Variants in ZBTB4 observed in about 807,000 individuals in gnomAD.
ZBTB4 encodes zinc finger and BTB domain-containing protein 4.
Under a neutral mutation model 59.8 loss-of-function variants are expected in ZBTB4, and 14 were observed. That is an observed-to-expected ratio of 0.23 (90% CI 0.15 to 0.37). ZBTB4 has a LOEUF of 0.37. Among genes scored for constraint, ZBTB4 ranks in the 10% least tolerant of loss-of-function variants. ZBTB4 has a pLI of 1.00. For synonymous variants in ZBTB4, 587 were observed against 575.2 expected (o/e 1.02, Z -0.29); for missense variants, 1,198 against 1,380.8 (o/e 0.87, Z 2.10).
In ZBTB4 at chr17:7,462,879, C is replaced by T; in HGVS notation, c.2103G>A (p.Lys701=). 1 of 1,607,212 alleles carries T rather than the reference C, an allele frequency of 6.2e-7. No individual in the cohort carries two copies. Residue 701 remains lysine (K), a synonymous_variant, in exon 4 of 4, where the codon AAG becomes AAA. Transcript: ENST00000380599. This position sits in a 1 kb window ranked among gnomAD's most constrained non-coding sequence, Gnocchi z 7.5. ...RGRRPPRWRQ[K]LERRSWEETP... is the part of the protein sequence containing the mutation. ...TTTCCTCCCAGCTCCTCCGTTCCAGCTTCTGCCTCCAACGTGGTGGCCGGC... is the reference window on the plus strand; with the variant it reads ...TTTCCTCCCAGCTCCTCCGTTCCAGTTTCTGCCTCCAACGTGGTGGCCGGC...
Position 7,462,752 on chromosome 17 carries a change from G to A in ZBTB4, c.2230C>T (p.His744Tyr). ...GAGCCCCCACCGTGGGCCTCTTGGTGCTTCCGCAGCTTTCTCAGGGTGGTG... is the reference window on the plus strand; with the variant it reads ...GAGCCCCCACCGTGGGCCTCTTGGTACTTCCGCAGCTTTCTCAGGGTGGTG... ...TFTTLRKLRK[H>Y]QEAHGGGSHS... The change falls in exon 4 of 4, where the codon CAC (histidine) becomes TAC (tyrosine). Residue 744 changes from histidine to tyrosine, a missense_variant. Transcript: ENST00000380599. This position sits in a 1 kb window ranked among gnomAD's most constrained non-coding sequence, Gnocchi z 7.5. The A allele has an allele frequency of 1.2e-6, 2 of 1,603,018 alleles. No homozygotes were observed. The highest frequency in any genetic ancestry group is 1.7e-6 in the Non-Finnish European group (2 of 1,179,826).
chr17:7,462,915 C>A lies in ZBTB4; in HGVS notation c.2067G>T (p.Leu689=). 1 of 1,609,144 alleles carries A rather than the reference C, an allele frequency of 6.2e-7. No homozygotes were observed. ...AGGASVGGSG[L]PRGRRPPRWR... The stretch of plus-strand genomic sequence containing the variant: ...AACGTGGTGGCCGGCGGCCTCGGGG[C>A]AGCCCACTGCCCCCCACACTGGCAC... Residue 689 remains leucine (L), a synonymous_variant, in exon 4 of 4, where the codon CTG becomes CTT. Transcript: ENST00000380599. The surrounding 1 kb of genome is among the most constrained non-coding windows in gnomAD (Gnocchi z 7.5).
At chr17:7,477,018 C>T (rs998730240) in intron 1 of ZBTB4, among the ~76,000 whole-genome samples, 4 of 152,214 alleles carry the variant, frequency 2.6e-5, no homozygotes, top group African/African-American at 9.6e-5. Context: ...TTCTCTGGAC[C>T]TCAGCTGCCT....
In ZBTB4 at chr17:7,466,484, G is replaced by GGAA; in HGVS notation, c.315_317dup (p.Ser111dup). 2 of 1,607,658 alleles carry GGAA rather than the reference G, an allele frequency of 1.2e-6. No homozygotes were observed. Among genetic ancestry groups the GGAA allele is most frequent in the Non-Finnish European group, 1.7e-6 (2 of 1,176,900 alleles). On this transcript the variant is annotated inframe_insertion, in exon 3 of 4. Transcript: ENST00000380599. The surrounding 1 kb of genome is among the most constrained non-coding windows in gnomAD (Gnocchi z 9.1). The stretch of plus-strand genomic sequence containing the variant: ...CTGGAGGGGGAGAGGAAGAGGAAGA[G>GGAA]GAAGAAGAAGAAGAAGCAGAGGAGG...
chr17:7,462,840 CTCGGCCGCTGGGGTT>C lies in ZBTB4; in HGVS notation c.2127_2141del (p.Thr710_Glu714del), dbSNP rs1567683821. The C allele has an allele frequency of 1.2e-6, 2 of 1,603,630 alleles. No homozygotes were observed. The highest frequency in any genetic ancestry group is 2.2e-5 in the East Asian group (1 of 44,868). On this transcript the variant is annotated inframe_deletion, in exon 4 of 4. Coordinates refer to ENST00000380599, the MANE Select transcript of ZBTB4 (RefSeq NM_001128833.2). This position sits in a 1 kb window ranked among gnomAD's most constrained non-coding sequence, Gnocchi z 7.5. ...CTGTGCGGGCACGTCCCGCTGGGCT[CTCGGCCGCTGGGGTT>C]TCCTCCCAGCTCCTCCGTTCCAGCT... is the stretch of plus-strand genomic sequence containing the variant.
chr17:7,463,320 C>CGTG lies in ZBTB4; in HGVS notation c.1659_1661dup (p.Thr554dup). On this transcript the variant is annotated inframe_insertion, in exon 4 of 4. Transcript: ENST00000380599. ...GTGGATTCCGGCCCTTGGCCTCCTC[C>CGTG]GTGGTGGTGGCCATGGCTGGCCCTG... 1 of 1,608,812 alleles carries CGTG rather than the reference C, an allele frequency of 6.2e-7. No homozygotes were observed. The highest frequency in any genetic ancestry group is 8.5e-7 in the Non-Finnish European group (1 of 1,177,908).
chr17:7,465,634 C>T, intron 3 of ZBTB4, 77 bp downstream of exon 3: 1 of 1,496,342 alleles, frequency 6.7e-7, no homozygotes, highest in South Asian at 1.3e-5. Context: ...CCCCAAGCCC[C>T]ACCCACTGCC....
rs2069994506 is a variant in ZBTB4, at chr17:7,459,947, T to A, written c.*1993A>T. 1 of 152,652 alleles carries A rather than the reference T, an allele frequency of 6.6e-6. No homozygotes were observed. The highest frequency in any genetic ancestry group is 2.4e-5 in the African/African-American group (1 of 41,434). 9.5% of individuals were successfully genotyped at this position (152,652 alleles called of 1,614,324 possible). ...AGGATATAGGGGCACTGTCGTCACC[T>A]CTGCCCCTGCCTCCAGGCCTTCCTC... On this transcript the variant is annotated 3_prime_UTR_variant, in exon 4 of 4. Transcript: ENST00000380599.
chr17:7,466,059 C>T lies in ZBTB4; in HGVS notation c.743G>A (p.Arg248Gln). Residue 248 changes from arginine to glutamine, a missense_variant, in exon 3 of 4, where the codon CGG becomes CAG. Arg to Gln is a conservative substitution (Grantham distance 43, BLOSUM62 1). This residue lies in a region of ZBTB4 where 204 missense variants were observed against 205.5 expected (regional missense o/e 0.99). Coordinates refer to ENST00000380599, the MANE Select transcript of ZBTB4 (RefSeq NM_001128833.2). The surrounding 1 kb of genome is among the most constrained non-coding windows in gnomAD (Gnocchi z 9.1). ...QCGKSFIHPK[R>Q]LQTHEAQCRR... Reference sequence around the variant, plus strand: ...GCACTGGGCCTCATGGGTCTGCAGCCGTTTGGGATGGATGAAGCTTTTTCC... The same window carrying T: ...GCACTGGGCCTCATGGGTCTGCAGCTGTTTGGGATGGATGAAGCTTTTTCC... 3 of 1,607,406 alleles carry T rather than the reference C, an allele frequency of 1.9e-6. No individual in the cohort carries two copies. The highest frequency in any genetic ancestry group is 1.1e-5 in the South Asian group (1 of 90,692).
At chr17:7,475,215 C>A (rs1459062985) in intron 1 of ZBTB4, among the ~76,000 whole-genome samples, 2 of 151,368 alleles carry the variant, frequency 1.3e-5, no homozygotes, top group Non-Finnish European at 3.0e-5. Flanking sequence ...GTGGCGGGCG[C>A]CTGTAACCCC....
intron 3 of ZBTB4, 66 bp downstream of exon 3, chr17:7,465,645 G>A (rs551738890): frequency 3.7e-5 from 56 of 1,514,982 alleles, no homozygotes; most frequent in Middle Eastern, 3.9e-4. Flanking sequence ...ACCCACTGCC[G>A]CCCTTGTTCC....
upstream of ZBTB4, chr17:7,482,208 G>A: frequency 6.2e-7 from 1 of 1,613,970 alleles, no homozygotes; most frequent in South Asian, 1.1e-5. Context: ...CTGCTCATCT[G>A]TCGATGCCTC....
intron 1 of ZBTB4, among the ~76,000 whole-genome samples, chr17:7,471,093 C>A (rs2070191784): frequency 6.6e-6 from 1 of 152,190 alleles, no homozygotes; most frequent in Non-Finnish European, 1.5e-5. Flanking sequence ...CCTGTCAGGG[C>A]TTCTTAGAAC....
chr17:7,477,174 A>C (rs2070280023), intron 1 of ZBTB4, among the ~76,000 whole-genome samples: 1 of 152,198 alleles, frequency 6.6e-6, no homozygotes, highest in Admixed American at 6.5e-5. Flanking sequence ...AGCCCCAAGA[A>C]GGGAATTCCC....
In ZBTB4 at chr17:7,466,954, G is replaced by C. The variant is rs542823690; in HGVS notation, c.-9-144C>G. On this transcript the variant is annotated intron_variant, in intron 2 of 3. Transcript: ENST00000380599. The surrounding 1 kb of genome is among the most constrained non-coding windows in gnomAD (Gnocchi z 9.1). ...ATCACTTCTGGTCACAGAAGTCAGG[G>C]GTTGGCCCTTAGCCACCCAAGTCTG... 259 of 1,399,448 alleles carry C rather than the reference G, an allele frequency of 1.9e-4. No individual in the cohort carries two copies. The African/African-American group carries it at 3.2e-3, about 17-fold the overall frequency. The allele number at this position is 1,399,448 out of a possible 1,614,324, so 86.7% of individuals were successfully genotyped here.
chr17:7,464,651 A>G (rs1265882125), intron 3 of ZBTB4, among the ~76,000 whole-genome samples: 4 of 151,946 alleles, frequency 2.6e-5, no homozygotes, highest in African/African-American at 9.7e-5. Context: ...CAGCTTGGCC[A>G]ACATGGTGAA....
At chr17:7,472,950 C>T (rs1210487121) in intron 1 of ZBTB4, among the ~76,000 whole-genome samples, 2 of 149,756 alleles carry the variant, frequency 1.3e-5, no homozygotes, top group Non-Finnish European at 1.5e-5. Context: ...GGCCCAACTG[C>T]TTCTCTTTTT....
At chr17:7,482,483 C>T, upstream of ZBTB4, 1 of 1,613,898 alleles carries the variant, frequency 6.2e-7, no homozygotes, top group Non-Finnish European at 8.5e-7. Flanking sequence ...GGGCAGCATC[C>T]TAGGACTAAT....
intron 2 of ZBTB4, 193 bp downstream of exon 2, chr17:7,467,064 G>A (rs2070138382): frequency 1.3e-6 from 1 of 767,378 alleles, no homozygotes; most frequent in Non-Finnish European, 1.6e-6. Context: ...AAGGTCAAGG[G>A]GTCATGACCT....
Sources: gnomAD v4.1 joint callset for allele counts (sites outside exome capture counted in the v4.1 genomes callset) on GRCh38, gnomAD v4.1.1 for gene constraint, gnomAD v4.1.1 regional missense constraint, Gnocchi (gnomAD v3.1) non-coding constraint, MANE v1.5 for transcripts, NCBI Gene and HGNC (gene_info 2026-07-23, HGNC 2026-07-21) for gene names.